Variants in PHKA2 observed in about 807,000 individuals in gnomAD.
PHKA2 encodes the protein phosphorylase kinase regulatory subunit alpha 2.
Under a neutral mutation model 102.0 loss-of-function variants are expected in PHKA2, and 31 were observed. The observed-to-expected ratio is 0.30, with a 90% CI of 0.23 to 0.41. The LOEUF is 0.41. PHKA2 is among the 10% of genes least tolerant of loss of function. PHKA2 has a pLI of 1.00. For synonymous variants in PHKA2, 455 were observed against 416.2 expected (o/e 1.09, Z -1.13); for missense variants, 858 against 1,023.1 (o/e 0.84, Z 2.20).
At chrX:18,927,302 C>T (rs754329069) in intron 13 of PHKA2, among the ~76,000 whole-genome samples, 1 of 112,370 alleles carries the variant, frequency 8.9e-6, no homozygotes, top group East Asian at 2.8e-4. Context: ...AGGCCATCAC[C>T]GGGGACAACC....
rs2047458822 is a variant in PHKA2, at chrX:18,893,176, AAAGAGACCAATTTCC to A, written c.*294_*308del. ...GGCGTCTCAGTTCCCTCTGCACTCA[AAAGAGACCAATTTCC>A]AATTCCTCCTCAGAGTCCGTGAGAC... On this transcript the variant is annotated 3_prime_UTR_variant, in exon 33 of 33. Coordinates refer to ENST00000379942, the MANE Select transcript of PHKA2 (RefSeq NM_000292.3). The A allele has an allele frequency of 5.6e-6, 2 of 355,454 alleles. No homozygotes were observed. Among genetic ancestry groups the A allele is most frequent in the Non-Finnish European group, 5.0e-6 (1 of 200,265 alleles). 29.3% of individuals were successfully genotyped at this position (355,454 alleles called of 1,213,427 possible). A position where few individuals can be genotyped will look rare whatever the true frequency, so the allele number is the denominator to read the frequency against.
At chrX:18,941,812 G>A in intron 7 of PHKA2, 137 bp from the exon 8 acceptor site, 1 of 512,841 alleles carries the variant, frequency 1.9e-6, no homozygotes, top group South Asian at 2.7e-5. Context: ...TACCAACATG[G>A]CCCCTGCTGG....
chrX:18,896,893 T>C (rs899243078), intron 30 of PHKA2, among the ~76,000 whole-genome samples: 5 of 111,828 alleles, frequency 4.5e-5, no homozygotes, highest in African/African-American at 1.6e-4. Context: ...TGTTTGATAA[T>C]GCCTGGAGAC....
At chrX:18,983,516 T>C (rs2033141273) in intron 1 of PHKA2, among the ~76,000 whole-genome samples, 2 of 112,038 alleles carry the variant, frequency 1.8e-5, no homozygotes, top group African/African-American at 6.5e-5. Flanking sequence ...TCTCATTCAG[T>C]GTAGTCTGTC....
At chrX:18,894,912 T>A in intron 31 of PHKA2, 1 of 445,222 alleles carries the variant, frequency 2.2e-6, no homozygotes. Context: ...AAGAGCTTGC[T>A]AGCCCAGAAA....
chrX:18,907,158 A>T, intron 22 of PHKA2, 61 bp from the exon 23 acceptor site: 1 of 837,196 alleles, frequency 1.2e-6, no homozygotes, highest in Non-Finnish European at 1.8e-6. Context: ...CAAAGACGAC[A>T]GACAGGCAGT....
chrX:18,914,323 A>T (rs2047983218), intron 19 of PHKA2, among the ~76,000 whole-genome samples: 1 of 112,456 alleles, frequency 8.9e-6, no homozygotes, highest in Non-Finnish European at 1.9e-5. Context: ...ATGAAGAAAA[A>T]CAAGAAAGAA....
At position 18,908,868 on chromosome X, in the gene PHKA2, C is replaced by T; in HGVS notation, c.2293G>A (p.Glu765Lys). The T allele has an allele frequency of 8.3e-7, 1 of 1,209,012 alleles. No homozygotes were observed. The change falls in exon 21 of 33, where the codon GAG (glutamate) becomes AAG (lysine). Residue 765 changes from glutamate (E) to lysine (K), a missense_variant. Transcript: ENST00000379942. ...AGGTTCGAACAATCTTTTAGCTGCT[C>T]AACCAGCTTCTCACAGTCCACGTCA... ...HGDVDCEKLVEQLKDCSNLQD... is the reference protein window; with the variant it reads ...HGDVDCEKLVKQLKDCSNLQD...
At chrX:18,948,509 T>C (rs2048623713) in intron 5 of PHKA2, among the ~76,000 whole-genome samples, 1 of 111,419 alleles carries the variant, frequency 9.0e-6, no homozygotes, top group Non-Finnish European at 1.9e-5. Context: ...TAAAAAAATA[T>C]AACAAGCATA....
chrX:18,983,994 G>A lies in PHKA2; in HGVS notation c.-62C>T. On this transcript the variant is annotated 5_prime_UTR_variant, in exon 1 of 33. Transcript: ENST00000379942. ...CGCGTGGGCGCGGGACGTCGGGGCT[G>A]TGGCCTCCAAGCGGGTCTGGTTCCC... The A allele has an allele frequency of 1.0e-6, 1 of 984,032 alleles. No homozygotes were observed. The allele number at this position is 984,032 out of a possible 1,213,427, so 81.1% of individuals were successfully genotyped here. A position where few individuals can be genotyped will look rare whatever the true frequency, so the allele number is the denominator to read the frequency against.
chrX:18,947,471 C>T (rs181670845), intron 5 of PHKA2, among the ~76,000 whole-genome samples: 65 of 112,370 alleles, frequency 5.8e-4, no homozygotes, highest in Non-Finnish European at 1.0e-3. Flanking sequence ...GCTCAAGCCC[C>T]TCTACCTGTG....
At chrX:18,931,588 C>T in intron 12 of PHKA2, 53 bp downstream of exon 12, 1 of 867,214 alleles carries the variant, frequency 1.2e-6, no homozygotes, top group African/African-American at 1.9e-5. Context: ...TTCTGGGGTT[C>T]CCTGAACCTC....
In PHKA2 at chrX:18,895,336, T is replaced by A. The variant is rs2047523364; in HGVS notation, c.3283-145A>T. The A allele has an allele frequency of 7.3e-6, 4 of 550,479 alleles. No individual in the cohort carries two copies. In the Admixed American group the frequency reaches 9.9e-5, roughly 14 times the overall value. The allele number at this position is 550,479 out of a possible 1,213,427, so 45.4% of individuals were successfully genotyped here. Reference sequence around the variant, plus strand: ...GGACACGCCAGACTGTCAGAGTTATTTTTAGAGAGCTTGTTCTCACTGCCC... The same window carrying A: ...GGACACGCCAGACTGTCAGAGTTATATTTAGAGAGCTTGTTCTCACTGCCC... On this transcript the variant is annotated intron_variant, in intron 30 of 32. Transcript: ENST00000379942.
Position 18,905,761 on chromosome X carries a change from T to C in PHKA2, c.2905A>G (p.Ser969Gly), listed in dbSNP as rs1236553485. ...LSGKEFGVER[S>G]VRPIHSSTSS... ...TTAACAGGAGCATGGAACTTACCAC[T>C]TCTTTCAACGCCAAACTCTTTCCCA... The change falls in exon 26 of 33, where the codon AGT becomes GGT. Residue 969 changes from serine to glycine, a missense_variant. By Grantham distance (56) the Ser-to-Gly change is moderately conservative. Around this residue, in one of 2 missense-constraint regions of PHKA2, gnomAD observed 671 missense variants for 745.2 expected, o/e 0.90. Coordinates refer to ENST00000379942, the MANE Select transcript of PHKA2 (RefSeq NM_000292.3). 8.4e-7 allele frequency: 1 copy of C among 1,186,161 alleles called. No individual in the cohort carries two copies. Among genetic ancestry groups the C allele is most frequent in the Non-Finnish European group, 1.1e-6 (1 of 872,945 alleles).
chrX:18,926,495 C>T lies in PHKA2; in HGVS notation c.1417G>A (p.Val473Ile). ...TGACTAAGAATCCGGCCCGGCTGGA[C>T]TTGAATTGGATGAATGTCCGCGATA... ...QSIADIHPIQVQPGRILSHIY... is the reference protein window; with the variant it reads ...QSIADIHPIQIQPGRILSHIY... The change falls in exon 14 of 33, where the codon GTC becomes ATC. Residue 473 changes from valine to isoleucine, a missense_variant. This residue lies in a region of PHKA2 where 671 missense variants were observed against 745.2 expected (regional missense o/e 0.90). Transcript: ENST00000379942. 2 of 1,203,383 alleles carry T rather than the reference C, an allele frequency of 1.7e-6. No individual in the cohort carries two copies. The highest frequency in any genetic ancestry group is 1.8e-5 in the South Asian group (1 of 56,825).
At chrX:18,897,461 C>T (rs961290618) in intron 29 of PHKA2, 128 bp from the exon 30 acceptor site, 8 of 572,997 alleles carry the variant, frequency 1.4e-5, no homozygotes, top group Admixed American at 3.4e-5. Context: ...GAGAGGAACA[C>T]GGTTCCTCCA....
At chrX:18,952,015 C>A (rs1400773282) in intron 3 of PHKA2, among the ~76,000 whole-genome samples, 8 of 109,098 alleles carry the variant, frequency 7.3e-5, no homozygotes, top group Non-Finnish European at 1.9e-5. Flanking sequence ...TCCTTTGAGA[C>A]TGTGATACAA....
Position 18,908,845 on chromosome X carries a change from G to A in PHKA2, c.2316C>T (p.Asn772=). 1.7e-6 allele frequency: 2 copies of A among 1,210,117 alleles called. No homozygotes were observed. Among genetic ancestry groups the A allele is most frequent in the Non-Finnish European group, 2.2e-6 (2 of 894,054 alleles). Residue 772 remains asparagine (N), a synonymous_variant, in exon 21 of 33, where the codon AAC becomes AAT. Transcript: ENST00000379942. ...KLVEQLKDCS[N]LQDQADILYI... ...ACAGAATGTCTGCTTGGTCCTGTAG[G>A]TTCGAACAATCTTTTAGCTGCTCAA...
In PHKA2 at chrX:18,918,891, C is replaced by T. The variant is rs760710507; in HGVS notation, c.1964-37G>A. On this transcript the variant is annotated intron_variant, in intron 18 of 32. Transcript: ENST00000379942. ...CAAGCAAGAAAAAGAGCCAATGAAA[C>T]CAAGCTGTAGAAATATGACTACACA... 6.9e-6 allele frequency: 8 copies of T among 1,155,662 alleles called. No individual in the cohort carries two copies. In the East Asian group the frequency reaches 2.4e-4, roughly 34 times the overall value.
Sources: allele counts gnomAD v4.1 joint callset (sites outside exome capture counted in the v4.1 genomes callset), GRCh38; gene constraint gnomAD v4.1.1; regional missense constraint gnomAD v4.1.1; transcripts MANE v1.5; gene names NCBI Gene and HGNC (gene_info 2026-07-23, HGNC 2026-07-21).